EXOC4: variants seen among roughly 807,000 people sequenced by gnomAD.
EXOC4 encodes the protein SEC8-like 1.
In EXOC4, 71 loss-of-function variants were observed where a neutral mutation model predicts 107.2. The ratio of observed to expected loss-of-function variants is 0.66; its 90% CI spans 0.55 to 0.81. The LOEUF is 0.81. Ranked by LOEUF, EXOC4 falls within the 30% of genes least tolerant of loss-of-function variation. EXOC4 has a pLI of 0.00. For missense variants in EXOC4, 1,108 were observed against 1,189.6 expected (o/e 0.93, Z 1.01); for synonymous variants, 456 against 441.2 (o/e 1.03, Z -0.42).
At chr7:133,460,413 T>G (rs1183798612) in intron 7 of EXOC4, among the ~76,000 whole-genome samples, 3 of 152,332 alleles carry the variant, frequency 2.0e-5, no homozygotes, top group Non-Finnish European at 4.4e-5. Flanking sequence ...TCATATTTAC[T>G]GTAAACTTAC....
In EXOC4 at chr7:133,317,267, C is replaced by T. The variant is rs535396189; in HGVS notation, c.657-17C>T. ...GTTTTGAAGAAAGTGGTAACTAGTG[C>T]TTCTTTTCCCGTTCAGCTCCCTCGT... On this transcript the variant is annotated splice_polypyrimidine_tract_variant and intron_variant, in intron 4 of 17. Coordinates refer to ENST00000253861, the MANE Select transcript of EXOC4 (RefSeq NM_021807.4). 1 of 1,578,646 alleles carries T rather than the reference C, an allele frequency of 6.3e-7. No individual in the cohort carries two copies. Among genetic ancestry groups the T allele is most frequent in the Non-Finnish European group, 8.7e-7 (1 of 1,148,204 alleles).
At chr7:133,290,375 CA>C (rs1230596418) in intron 3 of EXOC4, among the ~76,000 whole-genome samples, 1 of 152,188 alleles carries the variant, frequency 6.6e-6, no homozygotes, top group African/African-American at 2.4e-5. Context: ...GCATCTTATT[CA>C]AAGTGGCAGC....
intron 11 of EXOC4, among the ~76,000 whole-genome samples, chr7:133,854,541 C>A (rs1231118033): frequency 6.6e-6 from 1 of 151,824 alleles, no homozygotes; most frequent in Non-Finnish European, 1.5e-5. Context: ...TCTTACTGAT[C>A]GTTGCTGATA....
intron 7 of EXOC4, among the ~76,000 whole-genome samples, chr7:133,459,386 T>A (rs1200744577): frequency 6.6e-6 from 1 of 152,232 alleles, no homozygotes; most frequent in Non-Finnish European, 1.5e-5. Flanking sequence ...AATCCTACTG[T>A]GATGAATTTA....
chr7:133,768,508 A>C (rs1259517656), intron 10 of EXOC4: 2 of 152,048 alleles, frequency 1.3e-5, no homozygotes, highest in East Asian at 1.9e-4. Context: ...GGAACCTAAA[A>C]ATAGTCAAAA....
chr7:133,316,695 G>C (rs747178637), intron 4 of EXOC4, among the ~76,000 whole-genome samples: 5 of 152,152 alleles, frequency 3.3e-5, no homozygotes, highest in Non-Finnish European at 7.4e-5. Flanking sequence ...CTTAGGAAAG[G>C]TGAAATGGGT....
chr7:133,261,985 T>TTAC (rs1795163745), intron 1 of EXOC4, among the ~76,000 whole-genome samples: 1 of 152,196 alleles, frequency 6.6e-6, no homozygotes, highest in African/African-American at 2.4e-5. Context: ...GCTGCAGCTC[T>TTAC]TTCCCATCTC....
At chr7:134,033,797 T>TA (rs922797562) in intron 17 of EXOC4, among the ~76,000 whole-genome samples, 9 of 151,854 alleles carry the variant, frequency 5.9e-5, no homozygotes, top group South Asian at 2.1e-4. Flanking sequence ...GAGAGGGGCA[T>TA]AAAAAAAAGT....
intron 10 of EXOC4, among the ~76,000 whole-genome samples, chr7:133,726,276 G>A (rs1359987021): frequency 6.6e-6 from 1 of 152,146 alleles, no homozygotes; most frequent in Non-Finnish European, 1.5e-5. Flanking sequence ...ACTGCAGAAG[G>A]GTGAAAGAAA....
intron 7 of EXOC4, among the ~76,000 whole-genome samples, chr7:133,448,222 C>T (rs1429557837): frequency 6.6e-6 from 1 of 152,176 alleles, no homozygotes; most frequent in Non-Finnish European, 1.5e-5. Context: ...ATAACTAATA[C>T]TGGAGCTGGG....
intron 10 of EXOC4, among the ~76,000 whole-genome samples, chr7:133,710,351 A>G (rs950486325): frequency 2.0e-5 from 3 of 152,124 alleles, no homozygotes; most frequent in African/African-American, 7.2e-5. Flanking sequence ...GGACACAGAA[A>G]CTAGTTGTGA....
intron 10 of EXOC4, among the ~76,000 whole-genome samples, chr7:133,792,135 G>A (rs1796715564): frequency 6.6e-6 from 1 of 152,112 alleles, no homozygotes; most frequent in Non-Finnish European, 1.5e-5. Context: ...CCATCATGAG[G>A]ATCCTGATTT....
intron 7 of EXOC4, among the ~76,000 whole-genome samples, chr7:133,431,471 C>G (rs1302507319): frequency 6.6e-6 from 1 of 152,182 alleles, no homozygotes; most frequent in Non-Finnish European, 1.5e-5. Context: ...TTGTGAGTCA[C>G]TTGCCTTAAA....
chr7:133,630,272 C>T (rs1185952907), intron 10 of EXOC4, 131 bp downstream of exon 10: 11 of 657,608 alleles, frequency 1.7e-5, no homozygotes, highest in Non-Finnish European at 2.6e-5. Flanking sequence ...TTTAGGGCCT[C>T]ACTATTAAAG....
chr7:133,453,280 A>G (rs540457635), intron 7 of EXOC4, among the ~76,000 whole-genome samples: 2 of 152,322 alleles, frequency 1.3e-5, no homozygotes, highest in African/African-American at 4.8e-5. Flanking sequence ...TAGGCATGGA[A>G]TATAGTAGAA....
chr7:133,484,181 T>C (rs1799222091), intron 9 of EXOC4: 5 of 1,560,466 alleles, frequency 3.2e-6, no homozygotes, highest in Non-Finnish European at 4.3e-6. Flanking sequence ...CCCAAGAGGA[T>C]AAAAGGATTA....
chr7:133,495,898 A>C (rs1375387003), intron 9 of EXOC4, among the ~76,000 whole-genome samples: 5 of 152,306 alleles, frequency 3.3e-5, no homozygotes, highest in Non-Finnish European at 7.4e-5. Flanking sequence ...ACCATTATAG[A>C]AATTGATAAG....
intron 13 of EXOC4, among the ~76,000 whole-genome samples, chr7:133,919,620 C>G (rs13231079): frequency 0.46 from 70,503 of 152,016 alleles, 17,575 homozygotes; most frequent in African/African-American, 0.64. Context: ...ATGTTATATA[C>G]TTGAAATCAT....
intron 10 of EXOC4, among the ~76,000 whole-genome samples, chr7:133,761,135 G>C (rs1327915974): frequency 6.6e-6 from 1 of 152,134 alleles, no homozygotes; most frequent in Non-Finnish European, 1.5e-5. Flanking sequence ...TAATTAAGAA[G>C]TCTTAGAGGG....
Sources: gnomAD v4.1 joint callset for allele counts (sites outside exome capture counted in the v4.1 genomes callset) on GRCh38, gnomAD v4.1.1 for gene constraint, MANE v1.5 for transcripts, NCBI Gene and HGNC (gene_info 2026-07-23, HGNC 2026-07-21) for gene names.